PRDM16: variants seen among roughly 807,000 people sequenced by gnomAD.
PRDM16 encodes histone-lysine N-methyltransferase PRDM16.
In PRDM16, 23 loss-of-function variants were observed where a neutral mutation model predicts 110.6. The ratio of observed to expected loss-of-function variants is 0.21; its 90% CI spans 0.15 to 0.29. PRDM16 has a LOEUF of 0.29. Ranked by LOEUF, PRDM16 falls within the 10% of genes least tolerant of loss-of-function variation. The pLI, the probability that PRDM16 is intolerant of heterozygous loss-of-function variation, is 1.00. For missense variants in PRDM16, 1,615 were observed against 1,794.3 expected (o/e 0.90, Z 1.81); for synonymous variants, 799 against 781.8 (o/e 1.02, Z -0.37).
chr1:3,347,394 C>G (rs1642381788), intron 3 of PRDM16, among the ~76,000 whole-genome samples: 1 of 152,228 alleles, frequency 6.6e-6, no homozygotes, highest in Non-Finnish European at 1.5e-5. Context: ...AGGAAGGAGC[C>G]CGGAACACCC....
At position 3,417,922 on chromosome 1, in the gene PRDM16, C is replaced by A. The variant is rs145632008; in HGVS notation, c.2786C>A (p.Pro929His). 175 of 1,612,464 alleles carry A rather than the reference C, an allele frequency of 1.1e-4. No homozygotes were observed. The African/African-American group carries it at 1.9e-3, about 17-fold the overall frequency. The change falls in exon 11 of 17, where the codon CCC (proline) becomes CAC (histidine). Residue 929 changes from proline (P) to histidine (H), a missense_variant. Coordinates refer to ENST00000270722, the MANE Select transcript of PRDM16 (RefSeq NM_022114.4). Reference sequence around the variant, plus strand: ...TCCCTGCAGCCCCTCCCCCACCACCCCTTCAACTTCCGGTCCCCACCCCCA... The same window carrying A: ...TCCCTGCAGCCCCTCCCCCACCACCACTTCAACTTCCGGTCCCCACCCCCA... ...GSSLQPLPHH[P>H]FNFRSPPPTL...
chr1:3,402,288 C>T (rs145693172), intron 5 of PRDM16, among the ~76,000 whole-genome samples: 29 of 152,316 alleles, frequency 1.9e-4, no homozygotes, highest in South Asian at 4.1e-4. Flanking sequence ...GGGATGACAG[C>T]TCCAGGCTGA....
At chr1:3,082,928 C>T (rs11580403) in intron 1 of PRDM16, among the ~76,000 whole-genome samples, 18,543 of 152,242 alleles carry the variant, frequency 0.12, 1,512 homozygotes, top group Middle Eastern at 0.2. Context: ...ACAGGATGCT[C>T]GGCCCTCCTG....
At chr1:3,183,573 C>T (rs552593967) in intron 1 of PRDM16, among the ~76,000 whole-genome samples, 7 of 152,244 alleles carry the variant, frequency 4.6e-5, no homozygotes, top group African/African-American at 9.6e-5. Flanking sequence ...CGCTTAACCC[C>T]GTGACCGCCG....
rs747411821 is a variant in PRDM16 at position 3,184,710 on chromosome 1, G to A, written c.38-1415G>A. 6.2e-4 allele frequency among the ~76,000 whole-genome samples: 94 copies of A among 152,146 alleles called. 1 individual carries two copies. The highest frequency in any genetic ancestry group is 4.6e-4 in the Admixed American group (7 of 15,282). On this transcript the variant is annotated intron_variant, in intron 1 of 16. Transcript: ENST00000270722. Reference sequence around the variant, plus strand: ...CCCCGAAAGGAGACCTGGGCCTCTCGCTGTCACCCCCACCCCAGTCCCCGA... The same window carrying A: ...CCCCGAAAGGAGACCTGGGCCTCTCACTGTCACCCCCACCCCAGTCCCCGA...
chr1:3,281,265 G>T (rs1343910381), intron 3 of PRDM16, among the ~76,000 whole-genome samples: 5 of 152,222 alleles, frequency 3.3e-5, no homozygotes, highest in African/African-American at 9.6e-5. Context: ...CCAGGAGGAG[G>T]CCTGGCTGCT....
intron 3 of PRDM16, among the ~76,000 whole-genome samples, chr1:3,327,686 C>T (rs1051336339): frequency 1.1e-4 from 16 of 151,886 alleles, no homozygotes; most frequent in Non-Finnish European, 1.9e-4. Context: ...TGATGGCGTG[C>T]GGGTACTAGA....
chr1:3,360,110 G>A (rs866115556), intron 3 of PRDM16, among the ~76,000 whole-genome samples: 9 of 148,582 alleles, frequency 6.1e-5, no homozygotes, highest in African/African-American at 1.1e-4. Flanking sequence ...TTATCTCATC[G>A]TCCAGGACAT....
At chr1:3,083,444 G>A (rs1036917466) in intron 1 of PRDM16, among the ~76,000 whole-genome samples, 1 of 152,366 alleles carries the variant, frequency 6.6e-6, no homozygotes, top group Non-Finnish European at 1.5e-5. Flanking sequence ...GCTGTGCTGC[G>A]TTTATGGCCC....
chr1:3,432,464 C>T (rs1454333187), intron 16 of PRDM16, among the ~76,000 whole-genome samples: 1 of 152,176 alleles, frequency 6.6e-6, no homozygotes, highest in Non-Finnish European at 1.5e-5. Context: ...GCCTTCGTCT[C>T]CCTCCCTCTC....
At chr1:3,289,725 A>G (rs1640930526) in intron 3 of PRDM16, among the ~76,000 whole-genome samples, 1 of 152,192 alleles carries the variant, frequency 6.6e-6, no homozygotes. Context: ...GACAGCACGG[A>G]TGTGTCCATG....
intron 1 of PRDM16, among the ~76,000 whole-genome samples, chr1:3,176,881 C>G (rs929442511): frequency 5.9e-5 from 9 of 151,774 alleles, no homozygotes; most frequent in Non-Finnish European, 1.3e-4. Context: ...TCCATTCTTC[C>G]TTCCTTCCGT....
intron 1 of PRDM16, among the ~76,000 whole-genome samples, chr1:3,091,076 G>A (rs1238524787): frequency 6.6e-6 from 1 of 152,202 alleles, no homozygotes; most frequent in African/African-American, 2.4e-5. Flanking sequence ...GCTCTGGACG[G>A]GGCTTCTTCT....
intron 3 of PRDM16, among the ~76,000 whole-genome samples, chr1:3,283,053 G>A (rs1266699356): frequency 1.3e-5 from 2 of 152,226 alleles, no homozygotes; most frequent in Non-Finnish European, 2.9e-5. Context: ...GAGGCCGGGT[G>A]GGAGGCAGCG....
At chr1:3,263,468 C>A (rs1010359096) in intron 3 of PRDM16, among the ~76,000 whole-genome samples, 1 of 152,238 alleles carries the variant, frequency 6.6e-6, no homozygotes, top group African/African-American at 2.4e-5. Context: ...GGTCCCTGGG[C>A]ATCTGTCCTG....
rs184634912 is a variant in PRDM16, at chr1:3,383,395, G to A, written c.439-1757G>A. Among the ~76,000 whole-genome samples, 552 of 152,256 alleles carry A rather than the reference G, an allele frequency of 3.6e-3. 5 individuals carry two copies. The highest frequency in any genetic ancestry group is 0.013 in the African/African-American group (522 of 41,516). Reference sequence around the variant, plus strand: ...TAGTCGGGAACCCCAGCTTGGTGGTGGATGTCAACAAGGAGACTGAGAGCA... The same window carrying A: ...TAGTCGGGAACCCCAGCTTGGTGGTAGATGTCAACAAGGAGACTGAGAGCA... On this transcript the variant is annotated intron_variant, in intron 3 of 16. Coordinates refer to ENST00000270722, the MANE Select transcript of PRDM16 (RefSeq NM_022114.4).
chr1:3,226,751 G>A lies in PRDM16; in HGVS notation c.388-17336G>A, dbSNP rs114172340. Among the ~76,000 whole-genome samples, 1,490 of 152,266 alleles carry A rather than the reference G, an allele frequency of 9.8e-3. 29 individuals carry two copies. The highest frequency in any genetic ancestry group is 0.034 in the African/African-American group (1,406 of 41,542). ...AAGCAATTGGATTCACTTAAATGCCGCAGACATAAACCCCTGCACGCCTTC... is the reference window on the plus strand; with the variant it reads ...AAGCAATTGGATTCACTTAAATGCCACAGACATAAACCCCTGCACGCCTTC... On this transcript the variant is annotated intron_variant, in intron 2 of 16. Coordinates refer to ENST00000270722, the MANE Select transcript of PRDM16 (RefSeq NM_022114.4).
rs934420035 is a variant in PRDM16 at position 3,246,734 on chromosome 1, G to C, written c.438+2597G>C. Among the ~76,000 whole-genome samples the C allele has an allele frequency of 1.4e-4, 22 of 152,312 alleles. No individual in the cohort carries two copies. The highest frequency in any genetic ancestry group is 1.2e-3 in the East Asian group (6 of 5,176). On this transcript the variant is annotated intron_variant, in intron 3 of 16. Coordinates refer to ENST00000270722, the MANE Select transcript of PRDM16 (RefSeq NM_022114.4). The surrounding 1 kb of genome is among the most constrained non-coding windows in gnomAD (Gnocchi z 5.2). ...TTCGAGTGTTTGCCAAGGCCATGCTGGTGGGAGAATCAGATCCCTAACCCC... is the reference window on the plus strand; with the variant it reads ...TTCGAGTGTTTGCCAAGGCCATGCTCGTGGGAGAATCAGATCCCTAACCCC...
intron 12 of PRDM16, 38 bp downstream of exon 12, chr1:3,418,782 C>A: frequency 1.3e-6 from 2 of 1,518,374 alleles, no homozygotes; most frequent in Non-Finnish European, 1.8e-6. Flanking sequence ...GGCGGGGCCG[C>A]CTGCCTCCGT....
Sources: allele counts gnomAD v4.1 joint callset (sites outside exome capture counted in the v4.1 genomes callset), GRCh38; gene constraint gnomAD v4.1.1; non-coding constraint Gnocchi (gnomAD v3.1); transcripts MANE v1.5; gene names NCBI Gene and HGNC (gene_info 2026-07-23, HGNC 2026-07-21).